The following MLXIPL variants were observed in gnomAD, a reference collection of about 807,000 sequenced individuals.
MLXIPL encodes the protein carbohydrate-responsive element-binding protein.
In MLXIPL, 49 loss-of-function variants were observed where a neutral mutation model predicts 81.5. The observed-to-expected ratio is 0.60, with a 90% CI of 0.48 to 0.76. The LOEUF (loss-of-function observed/expected upper bound fraction) is 0.76. MLXIPL is among the 30% of genes least tolerant of loss of function. The pLI, the probability that MLXIPL is intolerant of heterozygous loss-of-function variation, is 0.00. For synonymous variants in MLXIPL, 466 were observed against 485.5 expected, an observed-to-expected ratio of 0.96 and a Z score of 0.53; for missense variants, 1,053 against 1,167.0, an observed-to-expected ratio of 0.90 and a Z score of 1.42.
At chr7:73,602,221 C>CTTTTT (rs1554596577) in intron 7 of MLXIPL, among the ~76,000 whole-genome samples, 1 of 132,602 alleles carries the variant, frequency 7.5e-6, no homozygotes. Flanking sequence ...CTCTTTCTTT[C>CTTTTT]TTTTTTTTTT....
At chr7:73,634,831 T>TATTATTA in the MLXIPL span, among the ~76,000 whole-genome samples, 1 of 150,484 alleles carries the variant, frequency 6.6e-6, no homozygotes. Flanking sequence ...TTATTATTAT[T>TATTATTA]TTGAGACGGA....
the MLXIPL span, among the ~76,000 whole-genome samples, chr7:73,639,147 C>T: frequency 3.9e-5 from 6 of 152,110 alleles, no homozygotes; most frequent in Non-Finnish European, 5.9e-5. Context: ...TTCTGTACCA[C>T]TTTGGCTGCT....
chr7:73,615,540 C>T (rs1273613093), intron 2 of MLXIPL, among the ~76,000 whole-genome samples: 18 of 152,166 alleles, frequency 1.2e-4, no homozygotes, highest in African/African-American at 4.3e-4. Context: ...TGGAAACACC[C>T]TTTGGGACCT....
intron 2 of MLXIPL, chr7:73,610,906 C>A (rs1362849903): frequency 6.6e-6 from 1 of 152,250 alleles, no homozygotes; most frequent in South Asian, 2.1e-4. Context: ...TCACCACAAC[C>A]TTTGCCTTCT....
upstream of MLXIPL, among the ~76,000 whole-genome samples, chr7:73,627,057 T>C (rs782467122): frequency 1.3e-5 from 2 of 152,148 alleles, no homozygotes; most frequent in African/African-American, 2.4e-5. Context: ...ATCTTCTGTC[T>C]CTGCCAAATG....
chr7:73,628,278 G>A (rs1449305766), upstream of MLXIPL, among the ~76,000 whole-genome samples: 2 of 152,086 alleles, frequency 1.3e-5, no homozygotes, highest in African/African-American at 4.8e-5. Flanking sequence ...ATCTGAGCGG[G>A]TGGGAAGATT....
At position 73,624,412 on chromosome 7, in the gene MLXIPL, T is replaced by TGTGTCC. The variant is rs1227882754; in HGVS notation, c.75_80dup (p.Thr27_Asp28dup). 8 of 1,566,720 alleles carry TGTGTCC rather than the reference T, an allele frequency of 5.1e-6. No homozygotes were observed. The East Asian group carries it at 1.6e-4, about 32-fold the overall frequency. On this transcript the variant is annotated inframe_insertion, in exon 1 of 17. Coordinates refer to ENST00000313375, the MANE Select transcript of MLXIPL (RefSeq NM_032951.3). Reference sequence around the variant, plus strand: ...GCCGGAGACTCGGGTCCTCCGAGTCTGTGTCCGAGTCCGAGTCTGGGCTGG... The same window carrying TGTGTCC: ...GCCGGAGACTCGGGTCCTCCGAGTCTGTGTCCGTGTCCGAGTCCGAGTCTGGGCTGG...
intron 2 of MLXIPL, among the ~76,000 whole-genome samples, chr7:73,612,814 C>T (rs1554599980): frequency 6.6e-6 from 1 of 152,086 alleles, no homozygotes; most frequent in Non-Finnish European, 1.5e-5. Context: ...AAGTTCTTCC[C>T]TTCACTCAGC....
the MLXIPL span, among the ~76,000 whole-genome samples, chr7:73,631,938 C>CCGTTCTT: frequency 7.3e-6 from 1 of 137,082 alleles, no homozygotes. Flanking sequence ...CTCCCCTCCT[C>CCGTTCTT]TTCTTTTCTC....
At chr7:73,646,794 G>A in the MLXIPL span, among the ~76,000 whole-genome samples, 759 of 152,266 alleles carry the variant, frequency 5.0e-3, 3 homozygotes, top group Middle Eastern at 0.02. Context: ...GGCAGGACAT[G>A]GGGCAGGGGA....
At chr7:73,619,308 A>T (rs1796179813) in intron 1 of MLXIPL, among the ~76,000 whole-genome samples, 3 of 151,992 alleles carry the variant, frequency 2.0e-5, no homozygotes, top group African/African-American at 7.2e-5. Context: ...TAAAAATACA[A>T]AAATTAGCCG....
chr7:73,637,027 T>C, the MLXIPL span, among the ~76,000 whole-genome samples: 3 of 143,182 alleles, frequency 2.1e-5, no homozygotes, highest in Non-Finnish European at 4.5e-5. Context: ...GCCACTGCAC[T>C]CCAGCCTGGG....
At chr7:73,597,058 T>C in intron 9 of MLXIPL, 124 bp downstream of exon 9, 1 of 1,448,718 alleles carries the variant, frequency 6.9e-7, no homozygotes, top group Admixed American at 2.0e-5. Context: ...CCTCATTCCT[T>C]GCCACTCTGT....
At chr7:73,643,384 G>C in the MLXIPL span, among the ~76,000 whole-genome samples, 12 of 152,182 alleles carry the variant, frequency 7.9e-5, no homozygotes, top group African/African-American at 2.6e-4. Context: ...CATGGTGGCG[G>C]GTGCCTGTAG....
upstream of MLXIPL, chr7:73,624,552 G>C (rs1796606319): frequency 6.8e-7 from 1 of 1,463,760 alleles, no homozygotes; most frequent in Non-Finnish European, 9.0e-7. Flanking sequence ...ACAGCTCTTG[G>C]CCAGCCGGGC....
At chr7:73,645,468 G>GCC in the MLXIPL span, among the ~76,000 whole-genome samples, 1 of 151,674 alleles carries the variant, frequency 6.6e-6, no homozygotes, top group Non-Finnish European at 1.5e-5. Context: ...GAGCCACCTT[G>GCC]CCCCTAAGTT....
chr7:73,605,865 T>C, intron 6 of MLXIPL, 45 bp downstream of exon 6: 1 of 1,564,056 alleles, frequency 6.4e-7, no homozygotes, highest in African/African-American at 1.4e-5. Context: ...TCCTGGAATC[T>C]CACAGGCCTT....
chr7:73,607,143 C>G, intron 4 of MLXIPL, 125 bp from the exon 5 acceptor site: 2 of 1,380,386 alleles, frequency 1.4e-6, no homozygotes, highest in Middle Eastern at 1.8e-4. Flanking sequence ...CACCCGACCC[C>G]TAGGTAAGGA....
At chr7:73,644,588 G>A in the MLXIPL span, among the ~76,000 whole-genome samples, 1 of 152,174 alleles carries the variant, frequency 6.6e-6, no homozygotes, top group African/African-American at 2.4e-5. Context: ...AAATATGTAA[G>A]TGAGAGCCAG....
Sources: allele counts gnomAD v4.1 joint callset (sites outside exome capture counted in the v4.1 genomes callset), GRCh38; gene constraint gnomAD v4.1.1; transcripts MANE v1.5; gene names NCBI Gene and HGNC (gene_info 2026-07-23, HGNC 2026-07-21).